MCUB: variants seen among roughly 807,000 people sequenced by gnomAD.
The protein encoded by MCUB is mitochondrial calcium uniporter dominant negative subunit beta.
MCUB carries 46 observed loss-of-function variants against 41.4 expected under a neutral mutation model. The ratio of observed to expected loss-of-function variants is 1.11; its 90% CI spans 0.88 to 1.42. The LOEUF is 1.42. Among genes scored for constraint, MCUB ranks in the 40% most tolerant of loss-of-function variants. The pLI is 0.00. For missense variants in MCUB, 403 were observed against 404.9 expected, an observed-to-expected ratio of 1.00 and a Z score of 0.04; for synonymous variants, 148 against 148.2, an observed-to-expected ratio of 1.00 and a Z score of 0.01.
intron 1 of MCUB, among the ~76,000 whole-genome samples, chr4:109,567,814 TCAGCCTCCCAAGTAGCTGGGACTA>T (rs910547137): frequency 1.3e-5 from 2 of 152,126 alleles, no homozygotes; most frequent in African/African-American, 4.8e-5. Flanking sequence ...TTCTCCTGTC[TCAGCCTCCCAAGTAGCTGGGACTA>T]CAGCCGCCCG....
chr4:109,626,821 C>CAAA (rs58560479), intron 1 of MCUB, among the ~76,000 whole-genome samples: 14 of 81,544 alleles, frequency 1.7e-4, no homozygotes, highest in African/African-American at 5.7e-4. Context: ...GAGTCCGACT[C>CAAA]AAAAAAAAAA....
intron 1 of MCUB, among the ~76,000 whole-genome samples, chr4:109,637,469 T>G (rs1262060143): frequency 2.6e-5 from 4 of 152,184 alleles, no homozygotes; most frequent in African/African-American, 9.7e-5. Flanking sequence ...GCAGCACAAT[T>G]TGCAATTGCA....
At chr4:109,645,051 A>G (rs1728803969) in intron 1 of MCUB, among the ~76,000 whole-genome samples, 1 of 152,092 alleles carries the variant, frequency 6.6e-6, no homozygotes, top group South Asian at 2.1e-4. Context: ...CACATATCTA[A>G]CAGATGTCTT....
At chr4:109,621,353 C>A (rs1310835907) in intron 1 of MCUB, among the ~76,000 whole-genome samples, 1 of 152,066 alleles carries the variant, frequency 6.6e-6, no homozygotes, top group Non-Finnish European at 1.5e-5. Context: ...TTAGTTGATT[C>A]TATAACTGTT....
In MCUB at chr4:109,608,739, A is replaced by C. The variant is rs560044444; in HGVS notation, c.99+48303A>C. Among the ~76,000 whole-genome samples the C allele has an allele frequency of 5.3e-5, 8 of 152,164 alleles. No homozygotes were observed. In the East Asian group the frequency reaches 1.5e-3, roughly 29 times the overall value. On this transcript the variant is annotated intron_variant, in intron 1 of 7. Transcript: ENST00000394650. ...TGACCTCAAACTCCTGGGCTCAAGC[A>C]GTCTGCCTGCCTTGGCTTCCCAAAG...
intron 4 of MCUB, among the ~76,000 whole-genome samples, chr4:109,677,144 G>T (rs1729591760): frequency 6.6e-6 from 1 of 152,244 alleles, no homozygotes; most frequent in South Asian, 2.1e-4. Flanking sequence ...GAAGTTTTAA[G>T]ATTTAATGTT....
intron 1 of MCUB, among the ~76,000 whole-genome samples, chr4:109,564,030 G>T (rs1184116703): frequency 1.3e-5 from 2 of 152,132 alleles, no homozygotes; most frequent in African/African-American, 2.4e-5. Flanking sequence ...CCTCTCTAAA[G>T]TTTACCACAG....
chr4:109,660,580 G>C (rs548046182), intron 3 of MCUB, among the ~76,000 whole-genome samples: 3 of 152,206 alleles, frequency 2.0e-5, no homozygotes, highest in African/African-American at 4.8e-5. Flanking sequence ...CTTTTGGGAG[G>C]CCGAGTCAGG....
chr4:109,618,576 C>G (rs137987600), intron 1 of MCUB, among the ~76,000 whole-genome samples: 11 of 152,268 alleles, frequency 7.2e-5, no homozygotes, highest in Admixed American at 1.3e-4. Context: ...TATGCTTCTT[C>G]TTAAATTCAT....
At chr4:109,597,485 C>T (rs1579057082) in intron 1 of MCUB, among the ~76,000 whole-genome samples, 2 of 122,768 alleles carry the variant, frequency 1.6e-5, no homozygotes, top group Non-Finnish European at 1.8e-5. Context: ...CCCTCCCGGA[C>T]GGGGCGGCTG....
chr4:109,608,490 T>C (rs1023208502), intron 1 of MCUB, among the ~76,000 whole-genome samples: 3 of 151,804 alleles, frequency 2.0e-5, no homozygotes. Context: ...AGTTAGGTTT[T>C]GTTTTGTTTT....
At chr4:109,631,641 C>T (rs935956610) in intron 1 of MCUB, among the ~76,000 whole-genome samples, 1 of 152,096 alleles carries the variant, frequency 6.6e-6, no homozygotes, top group African/African-American at 2.4e-5. Flanking sequence ...AGTTCTTTGC[C>T]CTGCTTTGTG....
At chr4:109,563,148 C>G (rs938039904) in intron 1 of MCUB, among the ~76,000 whole-genome samples, 1 of 152,198 alleles carries the variant, frequency 6.6e-6, no homozygotes, top group African/African-American at 2.4e-5. Context: ...TACATCTGAA[C>G]AGAAAGCCCT....
chr4:109,638,377 C>T (rs905789549), intron 1 of MCUB, among the ~76,000 whole-genome samples: 2 of 146,990 alleles, frequency 1.4e-5, no homozygotes, highest in Admixed American at 6.9e-5. Context: ...ATTTACTGAA[C>T]TGTAGTCTAT....
intron 1 of MCUB, among the ~76,000 whole-genome samples, chr4:109,587,573 TC>T (rs1355757234): frequency 6.6e-6 from 1 of 152,210 alleles, no homozygotes; most frequent in Non-Finnish European, 1.5e-5. Flanking sequence ...CTGGAGCTGT[TC>T]CTATTCGTCC....
intron 1 of MCUB, among the ~76,000 whole-genome samples, chr4:109,586,217 ATACCCTT>A (rs1424584198): frequency 6.6e-6 from 1 of 152,060 alleles, no homozygotes; most frequent in African/African-American, 2.4e-5. Flanking sequence ...TCAATCACTG[ATACCCTT>A]GCTTCCACTT....
At position 109,685,696 on chromosome 4, in the gene MCUB, TA is replaced by T. The variant is rs1359660159; in HGVS notation, c.933+331del. On this transcript the variant is annotated intron_variant, in intron 7 of 7. Coordinates refer to ENST00000394650, the MANE Select transcript of MCUB (RefSeq NM_017918.5). Reference sequence around the variant, plus strand: ...AAGGTGAACACTGTGATAAGGAACTTAAGGCATTTATAAGTTTCTTGTCCCT... The same window carrying T: ...AAGGTGAACACTGTGATAAGGAACTTAGGCATTTATAAGTTTCTTGTCCCT... Among the ~76,000 whole-genome samples, 3 of 152,222 alleles carry T rather than the reference TA, an allele frequency of 2.0e-5. No individual in the cohort carries two copies. In the East Asian group the frequency reaches 5.8e-4, roughly 29 times the overall value.
At position 109,656,009 on chromosome 4, in the gene MCUB, C is replaced by G. The variant is rs369465655; in HGVS notation, c.100-3002C>G. Reference sequence around the variant, plus strand: ...TTTCTCAGGCCACTCTGCCTTCTTTCAGCATCTTCTGGTTGTCATGTGGGT... The same window carrying G: ...TTTCTCAGGCCACTCTGCCTTCTTTGAGCATCTTCTGGTTGTCATGTGGGT... On this transcript the variant is annotated intron_variant, in intron 1 of 7. Coordinates refer to ENST00000394650, the MANE Select transcript of MCUB (RefSeq NM_017918.5). 3.3e-5 allele frequency among the ~76,000 whole-genome samples: 5 copies of G among 152,166 alleles called. No individual in the cohort carries two copies. The East Asian group carries it at 5.8e-4, about 18-fold the overall frequency.
chr4:109,618,969 TC>T (rs1728187514), intron 1 of MCUB, among the ~76,000 whole-genome samples: 2 of 150,548 alleles, frequency 1.3e-5, no homozygotes, highest in African/African-American at 2.5e-5. Context: ...TCTCTCTCTC[TC>T]TCTCTCTCTC....
Sources: allele counts gnomAD v4.1 joint callset (sites outside exome capture counted in the v4.1 genomes callset), GRCh38; gene constraint gnomAD v4.1.1; transcripts MANE v1.5; gene names NCBI Gene and HGNC (gene_info 2026-07-23, HGNC 2026-07-21).